PTPN11: variants seen among roughly 807,000 people sequenced by gnomAD.
The protein encoded by PTPN11 is protein tyrosine phosphatase non-receptor type 11, also known as tyrosine-protein phosphatase non-receptor type 11.
In PTPN11, 6 loss-of-function variants were observed where a neutral mutation model predicts 78.8. That is an observed-to-expected ratio of 0.08 (90% confidence interval 0.04 to 0.15). The LOEUF (loss-of-function observed/expected upper bound fraction) is 0.15, where lower values mean the gene tolerates loss of function less well. PTPN11 is among the 10% of genes least tolerant of loss of function. The probability of loss-of-function intolerance (pLI) is 1.00; values close to 1 mark genes in which losing one functional copy is unlikely to be tolerated. For missense variants in PTPN11, 386 were observed against 744.8 expected, an observed-to-expected ratio of 0.52 and a Z score of 5.61; for synonymous variants, 221 against 263.5, an observed-to-expected ratio of 0.84 and a Z score of 1.56.
rs1260629877 is a variant in PTPN11 at position 112,452,195 on chromosome 12, C to G, written c.333-1000C>G. Among the ~76,000 whole-genome samples the G allele has an allele frequency of 2.6e-5, 4 of 151,564 alleles. No homozygotes were observed. The Admixed American group carries it at 2.6e-4, about 10-fold the overall frequency. On this transcript the variant is annotated intron_variant, in intron 3 of 15. Coordinates refer to ENST00000351677, the MANE Select transcript of PTPN11 (RefSeq NM_002834.5). ...CTGTCTCTATTACAACTTTTTATTA[C>G]AACTTCTTTATTTTGACTTTATTTT...
rs115115979 is a variant in PTPN11 at position 112,430,625 on chromosome 12, A to G, written c.14+11500A>G. On this transcript the variant is annotated intron_variant, in intron 1 of 15. Coordinates refer to ENST00000351677, the MANE Select transcript of PTPN11 (RefSeq NM_002834.5). Reference sequence around the variant, plus strand: ...AAAACTTTTTTTTTTTTTTCTAGAGATGAGGTCTCACTATGTTGCCCAGGC... The same window carrying G: ...AAAACTTTTTTTTTTTTTTCTAGAGGTGAGGTCTCACTATGTTGCCCAGGC... 7.9e-3 allele frequency among the ~76,000 whole-genome samples: 1,194 copies of G among 151,176 alleles called. 15 individuals carry two copies. The highest frequency in any genetic ancestry group is 0.027 in the African/African-American group (1,101 of 41,194).
intron 1 of PTPN11, among the ~76,000 whole-genome samples, chr12:112,437,542 A>T (rs545439798): frequency 1.1e-4 from 17 of 152,232 alleles, no homozygotes; most frequent in African/African-American, 3.4e-4. Flanking sequence ...GTGGTATTGG[A>T]TTCTTTTATA....
chr12:112,452,174 CT>C lies in PTPN11; in HGVS notation c.333-1020del, dbSNP rs538927641. 2.2e-3 allele frequency among the ~76,000 whole-genome samples: 339 copies of C among 152,094 alleles called. 2 individuals are homozygous for C. The Middle Eastern group carries it at 0.037, about 17-fold the overall frequency. ...TATAGGCGTGAGCCACCGTGCCTGT[CT>C]CTATTACAACTTTTTATTACAACTT... On this transcript the variant is annotated intron_variant, in intron 3 of 15. Coordinates refer to ENST00000351677, the MANE Select transcript of PTPN11 (RefSeq NM_002834.5).
chr12:112,453,428 C>T, intron 4 of PTPN11, 41 bp downstream of exon 4: 4 of 1,572,228 alleles, frequency 2.5e-6, no homozygotes, highest in Non-Finnish European at 3.5e-6. Flanking sequence ...AAGATGTTAC[C>T]TTTGGGTGAT....
At chr12:112,459,882 CAT>C (rs1306706698) in intron 6 of PTPN11, among the ~76,000 whole-genome samples, 33 of 151,886 alleles carry the variant, frequency 2.2e-4, no homozygotes, top group Admixed American at 1.4e-3. Flanking sequence ...AATATTAACA[CAT>C]ATCAGTCACA....
In PTPN11 at chr12:112,418,977, G is replaced by C. The variant is rs527982856; in HGVS notation, c.-135G>C. The C allele has an allele frequency of 7.4e-6, 8 of 1,086,358 alleles. No homozygotes were observed. The highest frequency in any genetic ancestry group is 2.8e-5 in the East Asian group (1 of 35,968). The allele number at this position is 1,086,358 out of a possible 1,614,324, so 67.3% of individuals were successfully genotyped here. ...CCGGGATCCCCAGGCCTGGAGGGGG[G>C]TCTGTGCGCGGCCGGCTGGCTCTGC... On this transcript the variant is annotated 5_prime_UTR_variant, in exon 1 of 16. Coordinates refer to ENST00000351677, the MANE Select transcript of PTPN11 (RefSeq NM_002834.5).
intron 1 of PTPN11, among the ~76,000 whole-genome samples, chr12:112,436,118 A>G (rs541322245): frequency 2.4e-4 from 36 of 152,330 alleles, no homozygotes; most frequent in Admixed American, 4.6e-4. Flanking sequence ...AATAAAACAA[A>G]CATGGGCAAA....
chr12:112,491,436 TACAA>T (rs1434637883), intron 13 of PTPN11, among the ~76,000 whole-genome samples: 1 of 152,206 alleles, frequency 6.6e-6, no homozygotes, highest in African/African-American at 2.4e-5. Flanking sequence ...GTTTGTTGGT[TACAA>T]ACATTTATAC....
chr12:112,486,671 G>A (rs775777162), intron 11 of PTPN11, 42 bp downstream of exon 11: 1 of 1,608,190 alleles, frequency 6.2e-7, no homozygotes. Context: ...GCCTGTCCCT[G>A]TCTCCTAGCG....
intron 1 of PTPN11, among the ~76,000 whole-genome samples, chr12:112,437,014 C>T (rs1002678851): frequency 6.6e-6 from 1 of 151,990 alleles, no homozygotes; most frequent in African/African-American, 2.4e-5. Flanking sequence ...TTAAAATTAT[C>T]CCAGATTTAT....
intron 6 of PTPN11, among the ~76,000 whole-genome samples, chr12:112,465,764 C>CA (rs1208821835): frequency 6.6e-6 from 1 of 152,182 alleles, no homozygotes; most frequent in African/African-American, 2.4e-5. Flanking sequence ...ACCAAAGTCT[C>CA]AGAGATTCTC....
At chr12:112,424,429 G>C (rs1431546296) in intron 1 of PTPN11, among the ~76,000 whole-genome samples, 1 of 152,130 alleles carries the variant, frequency 6.6e-6, no homozygotes, top group Non-Finnish European at 1.5e-5. Flanking sequence ...CGGGGGAGTG[G>C]CATGAGCTGA....
chr12:112,481,284 G>A (rs893383149), intron 9 of PTPN11, among the ~76,000 whole-genome samples: 6 of 152,214 alleles, frequency 3.9e-5, no homozygotes, highest in Admixed American at 2.0e-4. Flanking sequence ...CCTATGGAGT[G>A]ACTGGTAGAT....
Position 112,504,826 on chromosome 12 carries a change from A to C in PTPN11, c.*32+30A>C. Reference sequence around the variant, plus strand: ...TTAAATGCAAGTGCTCTATTGGTTAATTGTTTATATAATTGGCAGTATTTT... The same window carrying C: ...TTAAATGCAAGTGCTCTATTGGTTACTTGTTTATATAATTGGCAGTATTTT... On this transcript the variant is annotated intron_variant, in intron 15 of 15. Transcript: ENST00000351677. The surrounding 1 kb of genome is among the most constrained non-coding windows in gnomAD (Gnocchi z 4.7). The C allele has an allele frequency of 1.5e-6, 2 of 1,332,832 alleles. No homozygotes were observed. Among genetic ancestry groups the C allele is most frequent in the Admixed American group, 3.5e-5 (2 of 57,502 alleles). The allele number at this position is 1,332,832 out of a possible 1,614,324, so 82.6% of individuals were successfully genotyped here. A position where few individuals can be genotyped will look rare whatever the true frequency, so the allele number is the denominator to read the frequency against.
intron 1 of PTPN11, among the ~76,000 whole-genome samples, chr12:112,427,190 G>A (rs1399605916): frequency 6.6e-6 from 1 of 151,692 alleles, no homozygotes; most frequent in African/African-American, 2.4e-5. Context: ...AGGTTGCAGT[G>A]AGCCGAGATC....
intron 13 of PTPN11, among the ~76,000 whole-genome samples, chr12:112,501,288 C>T (rs935613079): frequency 1.3e-5 from 2 of 152,138 alleles, no homozygotes; most frequent in African/African-American, 4.8e-5. Flanking sequence ...TTTTCTTTGC[C>T]TTTTCCCCCC....
chr12:112,476,218 A>C (rs2038500244), intron 7 of PTPN11, among the ~76,000 whole-genome samples: 1 of 152,186 alleles, frequency 6.6e-6, no homozygotes, highest in African/African-American at 2.4e-5. Flanking sequence ...ATCTAAATAG[A>C]ATATCGCTTT....
chr12:112,470,068 C>T (rs1175268796), intron 6 of PTPN11, among the ~76,000 whole-genome samples: 1 of 152,110 alleles, frequency 6.6e-6, no homozygotes, highest in Non-Finnish European at 1.5e-5. Context: ...ACTACAGATG[C>T]ATGCCACTAT....
At chr12:112,456,721 A>G (rs2038167403) in intron 6 of PTPN11, among the ~76,000 whole-genome samples, 1 of 151,504 alleles carries the variant, frequency 6.6e-6, no homozygotes, top group African/African-American at 2.4e-5. Flanking sequence ...AAGCTTCCCG[A>G]GTAGCTGGGA....
Sources: allele counts gnomAD v4.1 joint callset (sites outside exome capture counted in the v4.1 genomes callset), GRCh38; gene constraint gnomAD v4.1.1; non-coding constraint Gnocchi (gnomAD v3.1); transcripts MANE v1.5; gene names NCBI Gene and HGNC (gene_info 2026-07-23, HGNC 2026-07-21).